Variants in RIN2 observed in about 807,000 individuals in gnomAD.
RIN2 encodes RAB5 interacting protein 2.
Under a neutral mutation model 78.0 loss-of-function variants are expected in RIN2, and 36 were observed. That is an observed-to-expected ratio of 0.46 (90% CI 0.35 to 0.61). The LOEUF (loss-of-function observed/expected upper bound fraction) is 0.61, where lower values mean the gene tolerates loss of function less well. Ranked by LOEUF, RIN2 falls within the 20% of genes least tolerant of loss-of-function variation. The pLI, the probability that RIN2 is intolerant of heterozygous loss-of-function variation, is 0.00. For synonymous variants in RIN2, 466 were observed against 466.8 expected, an observed-to-expected ratio of 1.00 and a Z score of 0.02; for missense variants, 1,087 against 1,159.7, an observed-to-expected ratio of 0.94 and a Z score of 0.91.
intron 2 of RIN2, among the ~76,000 whole-genome samples, chr20:19,883,905 AG>A (rs2038102155): frequency 7.0e-6 from 1 of 142,394 alleles, no homozygotes; most frequent in African/African-American, 2.6e-5. Context: ...AAAAAAAAAA[AG>A]GTTACTCTTA....
intron 3 of RIN2, among the ~76,000 whole-genome samples, chr20:19,904,700 G>A (rs1056135901): frequency 6.6e-6 from 1 of 152,200 alleles, no homozygotes; most frequent in Admixed American, 6.5e-5. Flanking sequence ...GTGAACACTG[G>A]GATTCCATTC....
At chr20:19,828,318 C>A (rs1373833251) in intron 2 of RIN2, among the ~76,000 whole-genome samples, 1 of 152,236 alleles carries the variant, frequency 6.6e-6, no homozygotes, top group Non-Finnish European at 1.5e-5. Flanking sequence ...ATCAGTTCCT[C>A]CCCGTGAATC....
chr20:19,818,296 A>G (rs6112592), intron 2 of RIN2, among the ~76,000 whole-genome samples: 45,004 of 152,198 alleles, frequency 0.3, 7,246 homozygotes, highest in African/African-American at 0.44. Flanking sequence ...ATGTCATTGT[A>G]CAAGGCACAA....
chr20:19,852,895 T>G (rs1222657908), intron 2 of RIN2, among the ~76,000 whole-genome samples: 1 of 152,104 alleles, frequency 6.6e-6, no homozygotes, highest in Non-Finnish European at 1.5e-5. Flanking sequence ...TTTTTTTTAA[T>G]TATTATACTT....
At chr20:19,763,871 G>T (rs1443287671) in intron 1 of RIN2, among the ~76,000 whole-genome samples, 2 of 152,164 alleles carry the variant, frequency 1.3e-5, no homozygotes, top group African/African-American at 4.8e-5. Flanking sequence ...GGACTTTATA[G>T]TATCCAAATG....
intron 2 of RIN2, among the ~76,000 whole-genome samples, chr20:19,855,478 C>G (rs1430984287): frequency 6.6e-6 from 1 of 152,152 alleles, no homozygotes; most frequent in Non-Finnish European, 1.5e-5. Context: ...CCTCATACCT[C>G]TGGTAGAATT....
intron 2 of RIN2, among the ~76,000 whole-genome samples, chr20:19,842,490 C>T (rs920814507): frequency 6.6e-6 from 1 of 150,892 alleles, no homozygotes; most frequent in African/African-American, 2.4e-5. Flanking sequence ...GATCCACCTG[C>T]CTCGGCCTCC....
intron 4 of RIN2, among the ~76,000 whole-genome samples, chr20:19,938,385 A>AT (rs551225883): frequency 8.8e-5 from 13 of 148,116 alleles, no homozygotes; most frequent in South Asian, 2.2e-4. Context: ...CACCCAGCTA[A>AT]TTTTTTTTTT....
intron 3 of RIN2, chr20:19,934,709 G>A (rs2040564478): frequency 4.4e-6 from 3 of 685,864 alleles, no homozygotes; most frequent in Non-Finnish European, 5.4e-6. Flanking sequence ...GGGTTCCTTT[G>A]GAGGGTTTCC....
chr20:19,848,586 A>G (rs1426180799), intron 2 of RIN2, among the ~76,000 whole-genome samples: 1 of 151,862 alleles, frequency 6.6e-6, no homozygotes, highest in Admixed American at 6.6e-5. Flanking sequence ...AGATCTGACT[A>G]AAAGAAAAAA....
intron 2 of RIN2, among the ~76,000 whole-genome samples, chr20:19,836,434 C>G (rs2036420542): frequency 6.6e-6 from 1 of 152,174 alleles, no homozygotes; most frequent in Non-Finnish European, 1.5e-5. Flanking sequence ...ATTCTCATTA[C>G]AGATCACTGG....
chr20:19,769,951 A>G (rs2034050085), intron 1 of RIN2, among the ~76,000 whole-genome samples: 1 of 152,256 alleles, frequency 6.6e-6, no homozygotes, highest in South Asian at 2.1e-4. Flanking sequence ...CAACCCCAAG[A>G]GCAAAAGAAA....
In RIN2 at chr20:19,942,100, A is replaced by G. The variant is rs1284541276; in HGVS notation, c.158+6901A>G. Among the ~76,000 whole-genome samples the G allele has an allele frequency of 5.9e-5, 9 of 151,464 alleles. 1 individual carries two copies. Among genetic ancestry groups the G allele is most frequent in the Non-Finnish European group, 1.2e-4 (8 of 67,874 alleles). ...ACTCCAGCATGGGTGACAGAGTGAG[A>G]CTCTATCTCAAAAAAAAAAAAAGAA... On this transcript the variant is annotated intron_variant, in intron 4 of 12. Coordinates refer to ENST00000255006, the MANE Select transcript of RIN2 (RefSeq NM_018993.4).
intron 3 of RIN2, among the ~76,000 whole-genome samples, chr20:19,892,491 G>A (rs559864107): frequency 2.0e-5 from 3 of 152,298 alleles, no homozygotes; most frequent in Admixed American, 6.5e-5. Flanking sequence ...GGGATTACAG[G>A]CATGAGCCAC....
At chr20:19,852,979 AC>A (rs954319400) in intron 2 of RIN2, among the ~76,000 whole-genome samples, 1 of 150,232 alleles carries the variant, frequency 6.7e-6, no homozygotes, top group Non-Finnish European at 1.5e-5. Context: ...GGTGTGCTGC[AC>A]CCATTAACTC....
intron 2 of RIN2, among the ~76,000 whole-genome samples, chr20:19,869,193 G>A (rs1172143664): frequency 2.0e-5 from 3 of 152,068 alleles, no homozygotes; most frequent in Non-Finnish European, 2.9e-5. Context: ...CTGGAGAGAG[G>A]GATTAGAAAT....
At chr20:19,960,922 T>G in intron 6 of RIN2, 111 bp downstream of exon 6, 1 of 661,384 alleles carries the variant, frequency 1.5e-6, no homozygotes, top group Non-Finnish European at 2.6e-6. Context: ...GGCCTGAGTC[T>G]TGGCACTGAA....
chr20:19,779,400 G>A (rs912172864), intron 1 of RIN2, among the ~76,000 whole-genome samples: 7 of 152,160 alleles, frequency 4.6e-5, no homozygotes, highest in Non-Finnish European at 1.0e-4. Flanking sequence ...CCAGGCCCTG[G>A]GCTGGGCATC....
At chr20:19,835,750 A>C (rs565794512) in intron 2 of RIN2, among the ~76,000 whole-genome samples, 3 of 152,346 alleles carry the variant, frequency 2.0e-5, no homozygotes, top group Middle Eastern at 3.4e-3. Flanking sequence ...AGAATTATTT[A>C]AATTTTTTCA....
Sources: gnomAD v4.1 joint callset for allele counts (sites outside exome capture counted in the v4.1 genomes callset) on GRCh38, gnomAD v4.1.1 for gene constraint, MANE v1.5 for transcripts, NCBI Gene and HGNC (gene_info 2026-07-23, HGNC 2026-07-21) for gene names.